Variants in SCN10A observed in about 807,000 individuals in gnomAD.
SCN10A encodes sodium channel protein type 10 subunit alpha.
In SCN10A, 162 loss-of-function variants were observed where a neutral mutation model predicts 170.7. That is an observed-to-expected ratio of 0.95 (90% CI 0.84 to 1.08). The LOEUF (loss-of-function observed/expected upper bound fraction) is 1.08. Ranked by LOEUF, SCN10A falls within the 50% of genes least tolerant of loss-of-function variation. The probability of loss-of-function intolerance (pLI) is 0.00; values close to 1 mark genes in which losing one functional copy is unlikely to be tolerated. For missense variants in SCN10A, 2,527 were observed against 2,436.9 expected (o/e 1.04, Z -0.78); for synonymous variants, 985 against 904.6 (o/e 1.09, Z -1.59).
intron 5 of SCN10A, among the ~76,000 whole-genome samples, chr3:38,770,668 G>T (rs755919537): frequency 6.6e-6 from 1 of 151,970 alleles, no homozygotes; most frequent in Non-Finnish European, 1.5e-5. Context: ...CTTTTGGACC[G>T]CATCCCTCAC....
chr3:38,805,476 A>G (rs1490933341), intron 1 of SCN10A, among the ~76,000 whole-genome samples: 2 of 152,162 alleles, frequency 1.3e-5, no homozygotes, highest in African/African-American at 2.4e-5. Context: ...ACTGGTCAAG[A>G]CTTTAAGAAG....
At chr3:38,795,341 C>CTTTTTTTTTTTTTTTTTTTTT (rs201748424) in intron 1 of SCN10A, among the ~76,000 whole-genome samples, 2 of 127,876 alleles carry the variant, frequency 1.6e-5, no homozygotes, top group Non-Finnish European at 3.2e-5. Flanking sequence ...TTTTCTTTTT[C>CTTTTTTTTTTTTTTTTTTTTT]TTTTTCTTTT....
intron 13 of SCN10A, among the ~76,000 whole-genome samples, chr3:38,749,285 T>C (rs2063723956): frequency 6.6e-6 from 1 of 152,124 alleles, no homozygotes; most frequent in African/African-American, 2.4e-5. Context: ...CCCTTACAAC[T>C]CCTCCAGCCT....
chr3:38,800,738 AG>A (rs1226136421), intron 1 of SCN10A, among the ~76,000 whole-genome samples: 2 of 152,162 alleles, frequency 1.3e-5, no homozygotes, highest in African/African-American at 4.8e-5. Flanking sequence ...GCTTACATCC[AG>A]GGAATGAGAA....
chr3:38,700,785 A>G (rs1257044216), intron 27 of SCN10A, among the ~76,000 whole-genome samples: 1 of 152,236 alleles, frequency 6.6e-6, no homozygotes, highest in African/African-American at 2.4e-5. Context: ...AATCAGTGGC[A>G]AATTAAATCT....
At chr3:38,768,783 T>C (rs1178798850) in intron 5 of SCN10A, among the ~76,000 whole-genome samples, 1 of 152,184 alleles carries the variant, frequency 6.6e-6, no homozygotes, top group Non-Finnish European at 1.5e-5. Flanking sequence ...GCTTCTTGTA[T>C]TTGGATATCT....
intron 5 of SCN10A, among the ~76,000 whole-genome samples, chr3:38,765,953 C>T (rs2063927851): frequency 6.7e-6 from 1 of 150,284 alleles, no homozygotes; most frequent in South Asian, 2.1e-4. Context: ...TAGGTATATT[C>T]CTAAGATTTT....
chr3:38,734,302 G>A (rs144701286), intron 15 of SCN10A, among the ~76,000 whole-genome samples: 17 of 152,136 alleles, frequency 1.1e-4, no homozygotes, highest in African/African-American at 3.4e-4. Flanking sequence ...GATTACAGGC[G>A]TGAGCCACCC....
chr3:38,769,002 T>A (rs1184758798), intron 5 of SCN10A, among the ~76,000 whole-genome samples: 1 of 152,108 alleles, frequency 6.6e-6, no homozygotes, highest in Non-Finnish European at 1.5e-5. Flanking sequence ...AAGCTTTGTC[T>A]TCGAGCTCTG....
In SCN10A at chr3:38,752,386, G is replaced by A. The variant is rs774048085; in HGVS notation, c.1588C>T (p.His530Tyr). 6.2e-6 allele frequency: 10 copies of A among 1,613,968 alleles called. No individual in the cohort carries two copies. The highest frequency in any genetic ancestry group is 8.5e-6 in the Non-Finnish European group (10 of 1,179,964). The change falls in exon 12 of 28, where the codon CAC (histidine) becomes TAC (tyrosine). Residue 530 changes from histidine to tyrosine, a missense_variant. Physicochemically the swap from His to Tyr is moderately conservative, Grantham distance 83. Coordinates refer to ENST00000449082, the MANE Select transcript of SCN10A (RefSeq NM_006514.4). ...VTDDGVFPGD[H>Y]ESHRGSLLLG... Reference sequence around the variant, plus strand: ...AGCAGAGAGCCCCGATGGCTTTCGTGGTCTCCAGGAAAGACTCCATCATCT... The same window carrying A: ...AGCAGAGAGCCCCGATGGCTTTCGTAGTCTCCAGGAAAGACTCCATCATCT...
intron 11 of SCN10A, among the ~76,000 whole-genome samples, chr3:38,752,952 G>A (rs772241396): frequency 1.3e-5 from 2 of 152,198 alleles, no homozygotes; most frequent in Non-Finnish European, 2.9e-5. Context: ...GTTGTTGAAT[G>A]AATAAGTGCA....
At chr3:38,790,506 A>C (rs1007772637) in intron 3 of SCN10A, among the ~76,000 whole-genome samples, 1 of 151,920 alleles carries the variant, frequency 6.6e-6, no homozygotes, top group South Asian at 2.1e-4. Flanking sequence ...TTACTTATCC[A>C]GATGTAATTC....
At chr3:38,797,577 G>A (rs2064347808) in intron 1 of SCN10A, among the ~76,000 whole-genome samples, 1 of 152,174 alleles carries the variant, frequency 6.6e-6, no homozygotes, top group African/African-American at 2.4e-5. Flanking sequence ...GTGTATTTAT[G>A]CAATGACCAT....
chr3:38,773,136 A>G (rs993282513), intron 4 of SCN10A, among the ~76,000 whole-genome samples: 2 of 152,156 alleles, frequency 1.3e-5, no homozygotes, highest in Admixed American at 6.5e-5. Flanking sequence ...GAATATATGA[A>G]GTCTTGGGAA....
intron 22 of SCN10A, among the ~76,000 whole-genome samples, chr3:38,713,722 C>T (rs566088937): frequency 1.8e-4 from 28 of 152,154 alleles, no homozygotes; most frequent in Admixed American, 7.8e-4. Flanking sequence ...GGCGGAGTCT[C>T]GCTCTGTCAC....
intron 1 of SCN10A, among the ~76,000 whole-genome samples, chr3:38,809,761 G>A (rs1329105072): frequency 2.0e-5 from 3 of 152,034 alleles, no homozygotes; most frequent in Non-Finnish European, 4.4e-5. Context: ...CCTTATTTTC[G>A]AGGCCTCTGA....
At chr3:38,766,867 T>A (rs2063938638) in intron 5 of SCN10A, among the ~76,000 whole-genome samples, 1 of 152,172 alleles carries the variant, frequency 6.6e-6, no homozygotes, top group Non-Finnish European at 1.5e-5. Flanking sequence ...CCTGGACTTT[T>A]TTTCCTTGGC....
intron 21 of SCN10A, among the ~76,000 whole-genome samples, chr3:38,715,894 G>A (rs147150831): frequency 1.8e-4 from 28 of 152,214 alleles, no homozygotes; most frequent in Middle Eastern, 3.4e-3. Flanking sequence ...AGACAATCCT[G>A]TATTCAATAG....
chr3:38,739,549 T>G lies in SCN10A; in HGVS notation c.2246A>C (p.Lys749Thr). 1.2e-6 allele frequency: 2 copies of G among 1,614,120 alleles called. No individual in the cohort carries two copies. The highest frequency in any genetic ancestry group is 1.7e-6 in the Non-Finnish European group (2 of 1,180,010). ...GCTCCGCAGCACAGACAGGCTTCCC[T>G]TCTTGGCCACGCCCAGCTCTAGCAG... ...VSLLELGVAK[K>T]GSLSVLRSFR... The change falls in exon 15 of 28, where the codon AAG becomes ACG. Residue 749 changes from lysine to threonine, a missense_variant. Transcript: ENST00000449082.
Sources: gnomAD v4.1 joint callset for allele counts (sites outside exome capture counted in the v4.1 genomes callset) on GRCh38, gnomAD v4.1.1 for gene constraint, MANE v1.5 for transcripts, NCBI Gene and HGNC (gene_info 2026-07-23, HGNC 2026-07-21) for gene names.